Variants in RHBDF2 observed in about 807,000 individuals in gnomAD.
RHBDF2 encodes inactive rhomboid protein 2.
In RHBDF2, 38 loss-of-function variants were observed where a neutral mutation model predicts 95.2. The ratio of observed to expected loss-of-function variants is 0.40; its 90% CI spans 0.31 to 0.52. The LOEUF is 0.52. Ranked by LOEUF, RHBDF2 falls within the 20% of genes least tolerant of loss-of-function variation. The pLI is 0.56. For missense variants in RHBDF2, 863 were observed against 1,137.7 expected (o/e 0.76, Z 3.47); for synonymous variants, 442 against 462.0 (o/e 0.96, Z 0.55).
chr17:76,489,325 GTTTTT>G (rs71161301), intron 1 of RHBDF2, among the ~76,000 whole-genome samples: 1 of 131,698 alleles, frequency 7.6e-6, no homozygotes, highest in Non-Finnish European at 1.6e-5. Context: ...GGGCATTCCT[GTTTTT>G]TTTTTTTTTT....
chr17:76,479,900 G>A (rs761049338), intron 3 of RHBDF2, 46 bp from the exon 4 acceptor site: 5 of 1,605,388 alleles, frequency 3.1e-6, no homozygotes, highest in African/African-American at 1.3e-5. Context: ...GTGCAGCCCA[G>A]GTCCTGGGCT....
At chr17:76,478,676 T>A in intron 6 of RHBDF2, 130 bp downstream of exon 6, 2 of 762,136 alleles carry the variant, frequency 2.6e-6, no homozygotes, top group South Asian at 3.8e-5. Context: ...TCCCAGCACA[T>A]CCACTGTCCT....
In RHBDF2 at chr17:76,476,964, C is replaced by T. The variant is rs750650963; in HGVS notation, c.981G>A (p.Lys327=). ...TCCGATCAAAGGCAAAGTGCTTCACCTTGGAGGCGATGCGCTTGCCGCGCC... is the reference window on the plus strand; with the variant it reads ...TCCGATCAAAGGCAAAGTGCTTCACTTTGGAGGCGATGCGCTTGCCGCGCC... ...GPRRGKRIAS[K]VKHFAFDRKK... is the part of the protein sequence containing the mutation. Residue 327 remains lysine (K), a synonymous_variant, in exon 9 of 19, where the codon AAG becomes AAA. Transcript: ENST00000675367. 4.3e-6 allele frequency: 7 copies of T among 1,614,008 alleles called. No homozygotes were observed. The highest frequency in any genetic ancestry group is 5.9e-6 in the Non-Finnish European group (7 of 1,180,046).
At chr17:76,494,667 G>A (rs1283489695) in intron 1 of RHBDF2, among the ~76,000 whole-genome samples, 2 of 152,182 alleles carry the variant, frequency 1.3e-5, no homozygotes, top group Non-Finnish European at 2.9e-5. Context: ...CAGAAGAATC[G>A]CTTGAACCTG....
rs2073865038 is a variant in RHBDF2, at chr17:76,479,116, C to T, written c.434G>A (p.Gly145Asp). 6.2e-7 allele frequency: 1 copy of T among 1,613,680 alleles called. No homozygotes were observed. Among genetic ancestry groups the T allele is most frequent in the African/African-American group, 1.3e-5 (1 of 75,070 alleles). Reference protein sequence around the residue: ...LPSQEAPSFQGTESPKPCKMP... With the variant: ...LPSQEAPSFQDTESPKPCKMP... Reference sequence around the variant, plus strand: ...CTTGCAGGGCTTTGGGGACTCAGTGCCCTGGAAGGACGGTGCCTCCTGGCT... The same window carrying T: ...CTTGCAGGGCTTTGGGGACTCAGTGTCCTGGAAGGACGGTGCCTCCTGGCT... Residue 145 changes from glycine (G) to aspartate (D), a missense_variant, in exon 5 of 19, where the codon GGC becomes GAC. Gly to Asp is a moderately conservative substitution (Grantham distance 94, BLOSUM62 -1). Around this residue, in one of 2 missense-constraint regions of RHBDF2, gnomAD observed 611 missense variants for 725.5 expected, o/e 0.84. Coordinates refer to ENST00000675367, the MANE Select transcript of RHBDF2 (RefSeq NM_001005498.4).
At chr17:76,498,804 G>GTGTGTGTGTGTA (rs1232320994) in intron 1 of RHBDF2, among the ~76,000 whole-genome samples, 4 of 150,880 alleles carry the variant, frequency 2.7e-5, no homozygotes, top group Admixed American at 2.6e-4. Flanking sequence ...GTGTGTGTGT[G>GTGTGTGTGTGTA]TGTGTGTGTG....
chr17:76,477,202 G>C lies in RHBDF2; in HGVS notation c.898C>G (p.Pro300Ala). 1 of 1,610,768 alleles carries C rather than the reference G, an allele frequency of 6.2e-7. No individual in the cohort carries two copies. The highest frequency in any genetic ancestry group is 8.5e-7 in the Non-Finnish European group (1 of 1,179,002). The change falls in exon 8 of 19, where the codon CCC becomes GCC. Residue 300 changes from proline (P) to alanine (A), a missense_variant. This residue lies in a region of RHBDF2 where 611 missense variants were observed against 725.5 expected (regional missense o/e 0.84). Transcript: ENST00000675367. ...GIPHSASPVS[P>A]DGVQIPLKEY... Reference sequence around the variant, plus strand: ...CACAGAGGGATTTGCACCCCATCGGGGGAGACAGGGGAGGCTGAGTGTGGG... The same window carrying C: ...CACAGAGGGATTTGCACCCCATCGGCGGAGACAGGGGAGGCTGAGTGTGGG...
intron 3 of RHBDF2, among the ~76,000 whole-genome samples, chr17:76,480,239 C>T (rs1470578795): frequency 6.6e-6 from 1 of 151,322 alleles, no homozygotes; most frequent in African/African-American, 2.4e-5. Flanking sequence ...TGTGCCACCA[C>T]ACCCGGCTAA....
chr17:76,477,782 GC>G lies in RHBDF2; in HGVS notation c.675del (p.Arg226AlafsTer45). ...SLQAAAALLKGRSVLDATGQR... is the reference protein window; with the variant it reads ...SLQAAAALLKXRSVLDATGQR... ...TGTCCGGTGGCATCCAGCACCGAGC[GC>G]CCCTGTGCACGGGCAGAGGCACAGC... On this transcript the variant is annotated frameshift_variant and splice_region_variant, in exon 7 of 19. Transcript: ENST00000675367. LOFTEE classifies it high-confidence loss of function. The G allele has an allele frequency of 4.3e-6, 7 of 1,610,328 alleles. No homozygotes were observed. Among genetic ancestry groups the G allele is most frequent in the Non-Finnish European group, 5.1e-6 (6 of 1,179,874 alleles).
At chr17:76,487,647 G>GT (rs2074177632) in intron 2 of RHBDF2, 65 bp downstream of exon 2, 1 of 152,306 alleles carries the variant, frequency 6.6e-6, no homozygotes, top group Admixed American at 6.5e-5. Flanking sequence ...CCCGCAGGAG[G>GT]TATCTGGACG....
rs1465722645 is a variant in RHBDF2, at chr17:76,472,827, G to A, written c.1923C>T (p.Cys641=). Residue 641 remains cysteine, a synonymous_variant, in exon 18 of 19, where the codon TGC becomes TGT. Coordinates refer to ENST00000675367, the MANE Select transcript of RHBDF2 (RefSeq NM_001005498.4). ...SLFLHAGVVH[C]LVSVVFQMTI... ...TCATTTGAAAGACCACAGACACGAG[G>A]CAGTGCACCACGCTGGGGGAGGGAC... is the stretch of plus-strand genomic sequence containing the variant. The A allele has an allele frequency of 1.3e-6, 2 of 1,595,446 alleles. No homozygotes were observed. The highest frequency in any genetic ancestry group is 2.3e-5 in the East Asian group (1 of 43,992).
rs2073722338 is a variant in RHBDF2, at chr17:76,475,013, A to C, written c.1227+17T>G. ...GGAGAGGCTGGGACCCCCAGCATGG[A>C]GCCTGACCCGACTCACCAGCTGGGT... On this transcript the variant is annotated intron_variant, in intron 10 of 18. Coordinates refer to ENST00000675367, the MANE Select transcript of RHBDF2 (RefSeq NM_001005498.4). The C allele has an allele frequency of 6.4e-7, 1 of 1,560,562 alleles. No homozygotes were observed. The highest frequency in any genetic ancestry group is 8.7e-7 in the Non-Finnish European group (1 of 1,148,740).
At chr17:76,477,967 G>A (rs896083081) in intron 6 of RHBDF2, among the ~76,000 whole-genome samples, 182 bp from the exon 7 acceptor site, 2 of 152,232 alleles carry the variant, frequency 1.3e-5, no homozygotes, top group Non-Finnish European at 2.9e-5. Context: ...GAGACTGGAA[G>A]GCCAGGAAAT....
rs1193358306 is a variant in RHBDF2, at chr17:76,472,771, C to A, written c.1979G>T (p.Gly660Val). 1.2e-6 allele frequency: 2 copies of A among 1,612,040 alleles called. No homozygotes were observed. Among genetic ancestry groups the A allele is most frequent in the Admixed American group, 1.7e-5 (1 of 59,712 alleles). The change falls in exon 18 of 19, where the codon GGC becomes GTC. Residue 660 changes from glycine to valine, a missense_variant. Physicochemically the swap from Gly to Val is moderately radical, Grantham distance 109 (BLOSUM62 -3). Around this residue, in one of 2 missense-constraint regions of RHBDF2, gnomAD observed 252 missense variants for 412.2 expected, o/e 0.61. Transcript: ENST00000675367. ...TILRDLEKLA[G>V]WHRIAIIFIL... ...GAAGATGATGGCGATACGGTGCCAG[C>A]CGGCCAGCTTCTCCAGGTCCCTCAG...
intron 1 of RHBDF2, among the ~76,000 whole-genome samples, chr17:76,496,838 T>G (rs2144462389): frequency 6.6e-6 from 1 of 152,332 alleles, no homozygotes; most frequent in Admixed American, 6.5e-5. Context: ...CTCGGCTCAC[T>G]GTAAGCTCTG....
Position 76,474,740 on chromosome 17 carries a change from C to A in RHBDF2, c.1292G>T (p.Gly431Val). Residue 431 changes from glycine (G) to valine (V), a missense_variant, in exon 11 of 19, where the codon GGC becomes GTC. By Grantham distance (109) the Gly-to-Val change is moderately radical (BLOSUM62 -3). Coordinates refer to ENST00000675367, the MANE Select transcript of RHBDF2 (RefSeq NM_001005498.4). ...AGCCTGGGCCCTCACCGAGCTGGGG[C>A]CAACCCAGAAGTTCTCCTGCTGGAT... ...KYIQQENFWV[G>V]PSSIDLIHLG... The A allele has an allele frequency of 6.2e-7, 1 of 1,614,182 alleles. No homozygotes were observed. Among genetic ancestry groups the A allele is most frequent in the Non-Finnish European group, 8.5e-7 (1 of 1,180,020 alleles).
rs57942849 is a variant in RHBDF2, at chr17:76,486,077, TACACACACACACACACACACACACACAC to T, written c.-22+1607_-22+1634del. Reference sequence around the variant, plus strand: ...AATTCTGTGAATATGTATATATATGTACACACACACACACACACACACACACACACACACACACATATAGTTTTTGAGA... The same window carrying T: ...AATTCTGTGAATATGTATATATATGTACACACACACATATAGTTTTTGAGA... On this transcript the variant is annotated intron_variant, in intron 2 of 18. Transcript: ENST00000675367. Among the ~76,000 whole-genome samples, 7 of 144,886 alleles carry T rather than the reference TACACACACACACACACACACACACACAC, an allele frequency of 4.8e-5. No individual in the cohort carries two copies. In the South Asian group the frequency reaches 1.5e-3, roughly 32 times the overall value.
intron 18 of RHBDF2, 153 bp from the exon 19 acceptor site, chr17:76,472,205 C>G: frequency 1.4e-6 from 1 of 702,446 alleles, no homozygotes. Context: ...GCTGCTGGAC[C>G]AAAGCTGGGC....
chr17:76,476,549 A>C, intron 9 of RHBDF2: 1 of 424,186 alleles, frequency 2.4e-6, no homozygotes, highest in South Asian at 3.4e-5. Flanking sequence ...AGGCAGTGAC[A>C]CTCAATGAAC....
Sources: gnomAD v4.1 joint callset for allele counts (sites outside exome capture counted in the v4.1 genomes callset) on GRCh38, gnomAD v4.1.1 for gene constraint, gnomAD v4.1.1 regional missense constraint, MANE v1.5 for transcripts, NCBI Gene and HGNC (gene_info 2026-07-23, HGNC 2026-07-21) for gene names.